The following MRPL39 variants were observed in gnomAD, a reference collection of about 807,000 sequenced individuals.
MRPL39 encodes mitochondrial ribosomal protein L39.
MRPL39 carries 35 observed loss-of-function variants against 44.5 expected under a neutral mutation model. That is an observed-to-expected ratio of 0.79 (90% CI 0.60 to 1.04). MRPL39 has a LOEUF of 1.04. MRPL39 is among the 50% of genes least tolerant of loss of function. The probability of loss-of-function intolerance (pLI) is 0.00; values close to 1 mark genes in which losing one functional copy is unlikely to be tolerated. For synonymous variants in MRPL39, 139 were observed against 136.1 expected (o/e 1.02, Z -0.15); for missense variants, 433 against 413.5 (o/e 1.05, Z -0.41).
chr21:25,597,203 A>C, intron 6 of MRPL39, 99 bp downstream of exon 6: 1 of 721,862 alleles, frequency 1.4e-6, no homozygotes, highest in Non-Finnish European at 2.3e-6. Context: ...ATACACTGTC[A>C]CATGTATATC....
At chr21:25,607,563 T>G (rs1207872067), upstream of MRPL39, 1 of 1,385,378 alleles carries the variant, frequency 7.2e-7, no homozygotes, top group Non-Finnish European at 9.9e-7. Flanking sequence ...GCAGGACAGG[T>G]CTGTTCCGGA....
chr21:25,597,237 G>T, intron 6 of MRPL39, 65 bp downstream of exon 6: 1 of 1,089,356 alleles, frequency 9.2e-7, no homozygotes, highest in Non-Finnish European at 1.3e-6. Flanking sequence ...TTTAAGACCT[G>T]AATTTTCTTT....
chr21:25,596,425 T>C (rs1335677735), intron 6 of MRPL39, among the ~76,000 whole-genome samples: 1 of 152,242 alleles, frequency 6.6e-6, no homozygotes, highest in Non-Finnish European at 1.5e-5. Context: ...CCACTGTTCT[T>C]CAAACTCAGC....
At position 25,606,596 on chromosome 21, in the gene MRPL39, T is replaced by G. The variant is rs1316499926; in HGVS notation, c.133A>C (p.Asn45His). The part of the protein sequence containing the change: ...LSPTELTEMR[N>H]DLFNKEKARQ... ...GCTTTCTCTTTATTAAAGAGATCAT[T>G]CCGCATTTCTGTCAATTCTGTCGGT... The change falls in exon 2 of 10, where the codon AAT becomes CAT. Residue 45 changes from asparagine (N) to histidine (H), a missense_variant. Asn to His is a moderately conservative substitution (Grantham distance 68, BLOSUM62 1). Coordinates refer to ENST00000352957, the MANE Select transcript of MRPL39 (RefSeq NM_017446.4). 6.2e-7 allele frequency: 1 copy of G among 1,614,014 alleles called. No individual in the cohort carries two copies. Among genetic ancestry groups the G allele is most frequent in the South Asian group, 1.1e-5 (1 of 91,070 alleles).
At chr21:25,586,521 C>T (rs1374040951) in intron 9 of MRPL39, among the ~76,000 whole-genome samples, 2 of 152,198 alleles carry the variant, frequency 1.3e-5, no homozygotes, top group Non-Finnish European at 1.5e-5. Flanking sequence ...CACTTCCCTA[C>T]TCAAAATTCT....
Position 25,601,348 on chromosome 21 carries a change from G to C in MRPL39, c.520+20C>G. The C allele has an allele frequency of 2.0e-6, 1 of 501,434 alleles. No individual in the cohort carries two copies. The allele number at this position is 501,434 out of a possible 1,614,324, so 31.1% of individuals were successfully genotyped here. A position where few individuals can be genotyped will look rare whatever the true frequency, so the allele number is the denominator to read the frequency against. On this transcript the variant is annotated intron_variant, in intron 4 of 9. Transcript: ENST00000352957. Reference sequence around the variant, plus strand: ...CCAAAATATTTAAGGATCACAAAAAGACATATATGTATACACTACCAGGAA... The same window carrying C: ...CCAAAATATTTAAGGATCACAAAAACACATATATGTATACACTACCAGGAA...
intron 2 of MRPL39, 26 bp from the exon 3 acceptor site, chr21:25,603,961 T>C: frequency 6.3e-7 from 1 of 1,589,624 alleles, no homozygotes; most frequent in Non-Finnish European, 8.5e-7. Flanking sequence ...AGACTGATTA[T>C]CTAACAAAAT....
chr21:25,607,677 C>T (rs374307771), upstream of MRPL39, among the ~76,000 whole-genome samples: 14 of 152,210 alleles, frequency 9.2e-5, no homozygotes, highest in East Asian at 2.7e-3. Context: ...TACCTGTGCT[C>T]GATACCTGGG....
chr21:25,607,485 G>C, upstream of MRPL39: 2 of 1,609,934 alleles, frequency 1.2e-6, no homozygotes, highest in South Asian at 2.2e-5. Context: ...TAGCAGCGGT[G>C]AGAACCGTCG....
rs771416906 is a variant in MRPL39, at chr21:25,597,405, G to GT, written c.597dup (p.Arg200ThrfsTer13). On this transcript the variant is annotated frameshift_variant, in exon 6 of 10. Coordinates refer to ENST00000352957, the MANE Select transcript of MRPL39 (RefSeq NM_017446.4). LOFTEE classifies it high-confidence loss of function. The stretch of plus-strand genomic sequence containing the variant: ...GCATGAGCATCTTTTGTGAAGGAAC[G>GT]TAAGTTCTCCTTAAAAATGAAAGTA... 1.8e-5 allele frequency: 27 copies of GT among 1,539,838 alleles called. No homozygotes were observed. Among genetic ancestry groups the GT allele is most frequent in the African/African-American group, 5.5e-5 (4 of 73,078 alleles).
Position 25,597,371 on chromosome 21 carries a change from TA to T in MRPL39, c.631del (p.Tyr211IlefsTer27). 1 of 1,602,760 alleles carries T rather than the reference TA, an allele frequency of 6.2e-7. No individual in the cohort carries two copies. On this transcript the variant is annotated frameshift_variant, in exon 6 of 10. Transcript: ENST00000352957. LOFTEE classifies it high-confidence loss of function. ...CAGAGTTTCAAATGGAAGATCTTTA[TA>T]AATTAAAGCATGAGCATCTTTTGTG... ...SFTKDAHALI[Y>X]KDLPFETLEV...
rs762002540 is a variant in MRPL39, at chr21:25,601,471, G to GA, written c.421-5dup. On this transcript the variant is annotated splice_polypyrimidine_tract_variant and splice_region_variant and intron_variant, in intron 3 of 9. Transcript: ENST00000352957. ...TAGCACAGGAACGCCAATATGCCTA[G>GA]AAAAAAAATATACATATATAAAATA... is the stretch of plus-strand genomic sequence containing the variant. 43 of 1,549,868 alleles carry GA rather than the reference G, an allele frequency of 2.8e-5. No homozygotes were observed. The highest frequency in any genetic ancestry group is 1.7e-4 in the Middle Eastern group (1 of 5,808).
In MRPL39 at chr21:25,603,863, G is replaced by T; in HGVS notation, c.353C>A (p.Pro118His). Residue 118 changes from proline (P) to histidine (H), a missense_variant, in exon 3 of 10, where the codon CCT becomes CAT. Physicochemically the swap from Pro to His is moderately conservative, Grantham distance 77. Transcript: ENST00000352957. ...TTTAATTTCACAGGACTTTGTTAAA[G>T]GCTTATACATGTCCCAAGGCTGTCC... is the stretch of plus-strand genomic sequence containing the variant. ...VDGQPWDMYK[P>H]LTKSCEIKFL... 1 of 1,612,842 alleles carries T rather than the reference G, an allele frequency of 6.2e-7. No homozygotes were observed. The highest frequency in any genetic ancestry group is 8.5e-7 in the Non-Finnish European group (1 of 1,179,180).
rs775756909 is a variant in MRPL39, at chr21:25,585,702, A to C, written c.*5T>G. ...TATTATACATATTTAAATTTTAGAA[A>C]GTTATTAGGTAGATGTACATTCCTC... is the stretch of plus-strand genomic sequence containing the variant. On this transcript the variant is annotated 3_prime_UTR_variant, in exon 10 of 10. Transcript: ENST00000352957. 3.4e-6 allele frequency: 5 copies of C among 1,479,054 alleles called. No individual in the cohort carries two copies. The South Asian group carries it at 6.4e-5, about 19-fold the overall frequency. 91.6% of individuals were successfully genotyped at this position (1,479,054 alleles called of 1,614,324 possible). A position where few individuals can be genotyped will look rare whatever the true frequency, so the allele number is the denominator to read the frequency against.
rs758955118 is a variant in MRPL39 at position 25,592,886 on chromosome 21, C to T, written c.847G>A (p.Val283Ile). 16 of 1,612,778 alleles carry T rather than the reference C, an allele frequency of 9.9e-6. No homozygotes were observed. The highest frequency in any genetic ancestry group is 1.3e-5 in the Non-Finnish European group (15 of 1,178,914). ...SICFQYEVSA[V>I]HNLQPTQPSL... is the part of the protein sequence containing the mutation. The stretch of plus-strand genomic sequence containing the variant: ...GGCTGGGTGGGTTGAAGATTGTGAA[C>T]TGCTGATACTTCATACTGGAAACAA... The change falls in exon 8 of 10, where the codon GTT becomes ATT. Residue 283 changes from valine (V) to isoleucine (I), a missense_variant. Coordinates refer to ENST00000352957, the MANE Select transcript of MRPL39 (RefSeq NM_017446.4).
chr21:25,606,537 CT>C lies in MRPL39; in HGVS notation c.191del (p.Lys64ArgfsTer2). On this transcript the variant is annotated frameshift_variant, in exon 2 of 10. Coordinates refer to ENST00000352957, the MANE Select transcript of MRPL39 (RefSeq NM_017446.4). LOFTEE classifies it high-confidence loss of function. ...TTTTCCCAACATGCTTAACTTCTAT[CT>C]TCTCAGTTCGGGGAGTTAATGATAA... ...RQLSLTPRTE[K>X]IEVKHVGKTD... is the part of the protein sequence containing the mutation. 1.2e-6 allele frequency: 2 copies of C among 1,614,062 alleles called. No individual in the cohort carries two copies. The highest frequency in any genetic ancestry group is 1.7e-6 in the Non-Finnish European group (2 of 1,179,938).
At chr21:25,606,333 G>T in intron 2 of MRPL39, 116 bp downstream of exon 2, 1 of 895,958 alleles carries the variant, frequency 1.1e-6, no homozygotes, top group Non-Finnish European at 1.7e-6. Flanking sequence ...TTGGTATAAA[G>T]GGATTGCCAT....
In MRPL39 at chr21:25,587,591, C is replaced by G. The variant is rs991644772; in HGVS notation, c.969+1244G>C. 4.3e-6 allele frequency: 4 copies of G among 925,432 alleles called. No homozygotes were observed. The East Asian group carries it at 1.0e-4, about 24-fold the overall frequency. The allele number at this position is 925,432 out of a possible 1,614,324, so 57.3% of individuals were successfully genotyped here. ...CACAAATATAACAAATCCTGAAAGG[C>G]TTAACAGACAGAAAATAAATGTACT... On this transcript the variant is annotated intron_variant, in intron 9 of 9. Transcript: ENST00000352957.
intron 9 of MRPL39, among the ~76,000 whole-genome samples, chr21:25,588,631 T>TA (rs1014224598): frequency 6.6e-6 from 1 of 152,116 alleles, no homozygotes; most frequent in Non-Finnish European, 1.5e-5. Context: ...TATTAACAAA[T>TA]AAAATCAAAA....
Sources: gnomAD v4.1 joint callset for allele counts (sites outside exome capture counted in the v4.1 genomes callset) on GRCh38, gnomAD v4.1.1 for gene constraint, MANE v1.5 for transcripts, NCBI Gene and HGNC (gene_info 2026-07-23, HGNC 2026-07-21) for gene names.